The following FAM110C variants were observed in gnomAD, a reference collection of about 807,000 sequenced individuals.
FAM110C encodes the protein protein FAM110C.
Under a neutral mutation model 15.7 loss-of-function variants are expected in FAM110C, and 19 were observed. The ratio of observed to expected loss-of-function variants is 1.21; its 90% CI spans 0.85 to 1.78. The LOEUF is 1.78. Among genes scored for constraint, FAM110C ranks in the 40% most tolerant of loss-of-function variants. The probability of loss-of-function intolerance (pLI) is 0.00; values close to 1 mark genes in which losing one functional copy is unlikely to be tolerated. For synonymous variants in FAM110C, 275 were observed against 233.9 expected (o/e 1.18, Z -1.61); for missense variants, 547 against 495.7 (o/e 1.10, Z -0.98).
At position 39,066 on chromosome 2, in the gene FAM110C, T is replaced by A. The variant is rs755213912; in HGVS notation, c.*2542A>T. ...CAGTAGTTTAAAACATTCTATTATG[T>A]TTAATTACATTTTGAAAAATTGTCG... On this transcript the variant is annotated 3_prime_UTR_variant, in exon 2 of 2. Coordinates refer to ENST00000327669, the MANE Select transcript of FAM110C (RefSeq NM_001077710.3). 1 of 152,182 alleles carries A rather than the reference T, an allele frequency of 6.6e-6. No homozygotes were observed. Among genetic ancestry groups the A allele is most frequent in the African/African-American group, 2.4e-5 (1 of 41,438 alleles). 9.4% of individuals were successfully genotyped at this position (152,182 alleles called of 1,614,324 possible).
Position 41,625 on chromosome 2 carries a change from T to G in FAM110C, c.949A>C (p.Ser317Arg). The G allele has an allele frequency of 6.2e-7, 1 of 1,613,546 alleles. No homozygotes were observed. The highest frequency in any genetic ancestry group is 8.5e-7 in the Non-Finnish European group (1 of 1,179,786). The change falls in exon 2 of 2, where the codon AGC becomes CGC. Residue 317 changes from serine to arginine, a missense_variant and splice_region_variant. Ser to Arg is a moderately radical substitution (Grantham distance 110). Transcript: ENST00000327669. ...AGTCTTCATCATCGGGAAGGTTTGC[T>G]TCCTGAGGAGTTAAAGAAAAAATAG... is the stretch of plus-strand genomic sequence containing the variant. ...PSQEQSRTRGSKPSR is the reference protein window; with the variant it reads ...PSQEQSRTRGRKPSR
chr2:42,320 G>A (rs1664148374), intron 1 of FAM110C: 6 of 985,172 alleles, frequency 6.1e-6, no homozygotes, highest in African/African-American at 3.5e-5. Flanking sequence ...GGAATTGTCC[G>A]AACATTTTTG....
chr2:46,289 G>T lies in FAM110C; in HGVS notation c.97C>A (p.Arg33Ser). The T allele has an allele frequency of 1.5e-6, 2 of 1,349,220 alleles. No individual in the cohort carries two copies. Among genetic ancestry groups the T allele is most frequent in the Non-Finnish European group, 9.5e-7 (1 of 1,054,956 alleles). 83.6% of individuals were successfully genotyped at this position (1,349,220 alleles called of 1,614,324 possible). A position where few individuals can be genotyped will look rare whatever the true frequency, so the allele number is the denominator to read the frequency against. Residue 33 changes from arginine to serine, a missense_variant, in exon 1 of 2, where the codon CGC becomes AGC. Physicochemically the swap from Arg to Ser is moderately radical, Grantham distance 110. Transcript: ENST00000327669. ...GCCAGCCTCTCCACTGCGCTCCTGCGCGCCGGCCGCGCGGCGTCGGGGTCC... is the reference window on the plus strand; with the variant it reads ...GCCAGCCTCTCCACTGCGCTCCTGCTCGCCGGCCGCGCGGCGTCGGGGTCC... ...TRDPDAARPA[R>S]RSAVERLAAD... is the part of the protein sequence containing the mutation.
chr2:44,683 C>T, intron 1 of FAM110C: 2 of 985,390 alleles, frequency 2.0e-6, no homozygotes, highest in Non-Finnish European at 2.4e-6. Context: ...GCAAAAAGAG[C>T]TCGAGGTCAA....
chr2:42,805 C>T, intron 1 of FAM110C: 1 of 984,282 alleles, frequency 1.0e-6, no homozygotes, highest in Non-Finnish European at 1.2e-6. Flanking sequence ...CTTAGAAAAC[C>T]TACCTTTGTT....
In FAM110C at chr2:39,691, A is replaced by G. The variant is rs904393936; in HGVS notation, c.*1917T>C. 10 of 152,186 alleles carry G rather than the reference A, an allele frequency of 6.6e-5. No individual in the cohort carries two copies. The highest frequency in any genetic ancestry group is 2.4e-4 in the African/African-American group (10 of 41,452). 9.4% of individuals were successfully genotyped at this position (152,186 alleles called of 1,614,324 possible). On this transcript the variant is annotated 3_prime_UTR_variant, in exon 2 of 2. Transcript: ENST00000327669. ...CATTTGGTTTTTACATTTTTCACCT[A>G]TGATATGAATGATGAGTCTGCATGA...
At chr2:44,534 A>C (rs1664223500) in intron 1 of FAM110C, 3 of 985,302 alleles carry the variant, frequency 3.0e-6, no homozygotes, top group Non-Finnish European at 3.6e-6. Context: ...AAGAGGAAAA[A>C]AAAGATGTCG....
At chr2:44,954 C>G in intron 1 of FAM110C, 1 of 985,396 alleles carries the variant, frequency 1.0e-6, no homozygotes, top group African/African-American at 1.7e-5. Flanking sequence ...CTTTCTGTTC[C>G]AGTAACACAG....
chr2:44,502 T>C (rs1190018671), intron 1 of FAM110C: 7 of 985,246 alleles, frequency 7.1e-6, no homozygotes, highest in Non-Finnish European at 6.0e-6. Context: ...AATTTACTTA[T>C]AGCAAGTTGT....
chr2:46,154 G>C lies in FAM110C; in HGVS notation c.232C>G (p.Pro78Ala). Residue 78 changes from proline (P) to alanine (A), a missense_variant, in exon 1 of 2, where the codon CCG becomes GCG. By Grantham distance (27) the Pro-to-Ala change is conservative (BLOSUM62 -1). Coordinates refer to ENST00000327669, the MANE Select transcript of FAM110C (RefSeq NM_001077710.3). ...IKCPGNDPGP[P>A]ARAPAPVARR... ...GCCACCGGGGCCGGGGCGCGGGCCG[G>C]GGGCCCAGGGTCGTTCCCCGGGCAC... The C allele has an allele frequency of 4.9e-6, 7 of 1,424,382 alleles. No individual in the cohort carries two copies. The highest frequency in any genetic ancestry group is 5.5e-6 in the Non-Finnish European group (6 of 1,096,398). The allele number at this position is 1,424,382 out of a possible 1,614,324, so 88.2% of individuals were successfully genotyped here.
chr2:42,136 C>A (rs146496738), intron 1 of FAM110C: 4 of 985,334 alleles, frequency 4.1e-6, no homozygotes, highest in Non-Finnish European at 1.2e-6. Context: ...TGCTCCTAGT[C>A]GCATAGCTTC....
chr2:42,284 T>A, intron 1 of FAM110C: 1 of 985,438 alleles, frequency 1.0e-6, no homozygotes, highest in Non-Finnish European at 1.2e-6. Context: ...TTTCTTTGTG[T>A]CAAGGATAAA....
At position 39,539 on chromosome 2, in the gene FAM110C, C is replaced by T. The variant is rs915519752; in HGVS notation, c.*2069G>A. 1.3e-5 allele frequency: 2 copies of T among 152,128 alleles called. No homozygotes were observed. Among genetic ancestry groups the T allele is most frequent in the African/African-American group, 2.4e-5 (1 of 41,404 alleles). The allele number at this position is 152,128 out of a possible 1,614,324, so 9.4% of individuals were successfully genotyped here. A position where few individuals can be genotyped will look rare whatever the true frequency, so the allele number is the denominator to read the frequency against. On this transcript the variant is annotated 3_prime_UTR_variant, in exon 2 of 2. Transcript: ENST00000327669. Reference sequence around the variant, plus strand: ...TAGGAGTCTGATGCCACCCAGTTCCCCTGTTCTTCATGCCCCGTTTCTGAT... The same window carrying T: ...TAGGAGTCTGATGCCACCCAGTTCCTCTGTTCTTCATGCCCCGTTTCTGAT...
Position 45,453 on chromosome 2 carries a change from C to T in FAM110C, c.933G>A (p.Gln311=). 2 of 1,611,098 alleles carry T rather than the reference C, an allele frequency of 1.2e-6. No individual in the cohort carries two copies. Among genetic ancestry groups the T allele is most frequent in the South Asian group, 2.2e-5 (2 of 90,926 alleles). ...KKAKETPSQE[Q]SRTRGSKPSR is the part of the protein sequence containing the mutation. ...CTGGGCACACACCTCGGGTCCGGCT[C>T]TGCTCCTGGCTGGGGGTCTCCTTGG... The change falls in exon 1 of 2, where the codon CAG becomes CAA. Residue 311 remains glutamine (Q), a synonymous_variant. Coordinates refer to ENST00000327669, the MANE Select transcript of FAM110C (RefSeq NM_001077710.3).
rs1308221258 is a variant in FAM110C at position 39,126 on chromosome 2, G to A, written c.*2482C>T. Reference sequence around the variant, plus strand: ...GAACAAATAAAAGTACCTTGCAGCCGTCACTATTGCCCATTCTTGTGGGAA... The same window carrying A: ...GAACAAATAAAAGTACCTTGCAGCCATCACTATTGCCCATTCTTGTGGGAA... On this transcript the variant is annotated 3_prime_UTR_variant, in exon 2 of 2. Coordinates refer to ENST00000327669, the MANE Select transcript of FAM110C (RefSeq NM_001077710.3). 4 of 152,162 alleles carry A rather than the reference G, an allele frequency of 2.6e-5. No individual in the cohort carries two copies. The highest frequency in any genetic ancestry group is 6.5e-5 in the Admixed American group (1 of 15,286). 9.4% of individuals were successfully genotyped at this position (152,162 alleles called of 1,614,324 possible).
intron 1 of FAM110C, chr2:43,731 C>T: frequency 2.0e-6 from 2 of 985,434 alleles, no homozygotes; most frequent in African/African-American, 3.5e-5. Context: ...TACCTCCCCA[C>T]TATTTATACC....
intron 1 of FAM110C, chr2:41,940 C>T: frequency 2.0e-6 from 2 of 985,372 alleles, no homozygotes; most frequent in Non-Finnish European, 2.4e-6. Context: ...GTTGGTAAGG[C>T]CAGTGCTAAC....
Position 45,696 on chromosome 2 carries a change from C to T in FAM110C, c.690G>A (p.Glu230=), listed in dbSNP as rs1430363516. ...QYCGLDPEVV[E]ALGRENFTAG... ...CGGTGAAGTTCTCCCTCCCCAGGGCCTCCACCACCTCGGGGTCCAGGCCGC... is the reference window on the plus strand; with the variant it reads ...CGGTGAAGTTCTCCCTCCCCAGGGCTTCCACCACCTCGGGGTCCAGGCCGC... The change falls in exon 1 of 2, where the codon GAG becomes GAA. Residue 230 remains glutamate, a synonymous_variant. Coordinates refer to ENST00000327669, the MANE Select transcript of FAM110C (RefSeq NM_001077710.3). 12 of 1,604,170 alleles carry T rather than the reference C, an allele frequency of 7.5e-6. No individual in the cohort carries two copies. The highest frequency in any genetic ancestry group is 4.5e-5 in the East Asian group (2 of 44,506).
At chr2:42,371 G>A in intron 1 of FAM110C, 1 of 946,364 alleles carries the variant, frequency 1.1e-6, no homozygotes, top group Non-Finnish European at 1.3e-6. Flanking sequence ...TTTCCCAAAG[G>A]ACAAGTTATT....
Sources: gnomAD v4.1 joint callset for allele counts on GRCh38, gnomAD v4.1.1 for gene constraint, MANE v1.5 for transcripts, NCBI Gene and HGNC (gene_info 2026-07-23, HGNC 2026-07-21) for gene names.